Variants in GUCY1B1 observed in about 807,000 individuals in gnomAD.
GUCY1B1 encodes the protein guanylate cyclase 1 soluble subunit beta 1, also known as guanylate cyclase soluble subunit beta-1.
In GUCY1B1, 43 loss-of-function variants were observed where a neutral mutation model predicts 71.0. The observed-to-expected ratio is 0.61, with a 90% CI of 0.47 to 0.78. GUCY1B1 has a LOEUF of 0.78. GUCY1B1 is among the 30% of genes least tolerant of loss of function. GUCY1B1 has a pLI of 0.00. For synonymous variants in GUCY1B1, 266 were observed against 259.7 expected (o/e 1.02, Z -0.23); for missense variants, 535 against 754.1 (o/e 0.71, Z 3.40).
Position 155,796,361 on chromosome 4 carries a change from A to G in GUCY1B1, c.844-16A>G. The G allele has an allele frequency of 6.2e-7, 1 of 1,610,694 alleles. No homozygotes were observed. The highest frequency in any genetic ancestry group is 8.5e-7 in the Non-Finnish European group (1 of 1,177,766). On this transcript the variant is annotated splice_polypyrimidine_tract_variant and intron_variant, in intron 7 of 13. Coordinates refer to ENST00000264424, the MANE Select transcript of GUCY1B1 (RefSeq NM_000857.5). ...GAGAAAGGCATTCATTAATGGTTGT[A>G]TCTTGCCTTTTCAAGGAAGGATTGT... is the stretch of plus-strand genomic sequence containing the variant.
In GUCY1B1 at chr4:155,782,069, A is replaced by G. The variant is rs550792611; in HGVS notation, c.297+4427A>G. 3.3e-5 allele frequency among the ~76,000 whole-genome samples: 5 copies of G among 150,740 alleles called. No individual in the cohort carries two copies. The East Asian group carries it at 7.8e-4, about 23-fold the overall frequency. On this transcript the variant is annotated intron_variant, in intron 4 of 13. Coordinates refer to ENST00000264424, the MANE Select transcript of GUCY1B1 (RefSeq NM_000857.5). ...TCAATGTCTTTTTTTGCGTTTTTTA[A>G]TGTTTTATTATTATTATTATTATTG... is the stretch of plus-strand genomic sequence containing the variant.
chr4:155,805,479 C>T (rs1740253385), intron 13 of GUCY1B1, among the ~76,000 whole-genome samples: 1 of 152,076 alleles, frequency 6.6e-6, no homozygotes, highest in Admixed American at 6.6e-5. Context: ...GAGAAGGCTG[C>T]TTTTTTTCTT....
intron 2 of GUCY1B1, among the ~76,000 whole-genome samples, chr4:155,763,448 T>C (rs1161327682): frequency 2.0e-5 from 3 of 152,182 alleles, no homozygotes; most frequent in Admixed American, 1.3e-4. Context: ...TACACTGTCC[T>C]GACTTAAATA....
intron 2 of GUCY1B1, among the ~76,000 whole-genome samples, chr4:155,763,306 A>G (rs1299309696): frequency 6.6e-6 from 1 of 152,154 alleles, no homozygotes; most frequent in South Asian, 2.1e-4. Context: ...TCGGCCTCCC[A>G]AAGTATTGGA....
At position 155,802,459 on chromosome 4, in the gene GUCY1B1, T is replaced by C; in HGVS notation, c.1293T>C (p.Asn431=). ...TCTTTAGTGGCATTGTGGGCTTCAA[T>C]GCTTTCTGTAGCAAGCATGCATCTG... ...TILFSGIVGF[N]AFCSKHASGE... Residue 431 remains asparagine, a synonymous_variant, in exon 10 of 14, where the codon AAT becomes AAC. Coordinates refer to ENST00000264424, the MANE Select transcript of GUCY1B1 (RefSeq NM_000857.5). The surrounding 1 kb of genome is among the most constrained non-coding windows in gnomAD (Gnocchi z 4.3). 1 of 1,613,888 alleles carries C rather than the reference T, an allele frequency of 6.2e-7. No individual in the cohort carries two copies. The highest frequency in any genetic ancestry group is 2.2e-5 in the East Asian group (1 of 44,870).
chr4:155,762,481 A>G (rs570697832), intron 2 of GUCY1B1, among the ~76,000 whole-genome samples: 2 of 152,308 alleles, frequency 1.3e-5, no homozygotes, highest in South Asian at 4.1e-4. Context: ...AGGATGGGAA[A>G]AGATGCCAAA....
chr4:155,785,326 C>G, intron 4 of GUCY1B1: 1 of 1,409,402 alleles, frequency 7.1e-7, no homozygotes, highest in Non-Finnish European at 9.7e-7. Context: ...ACTTGTGCTG[C>G]AATGTAAGAG....
rs1740337202 is a variant in GUCY1B1 at position 155,806,637 on chromosome 4, T to C, written c.*228T>C. The C allele has an allele frequency of 1.4e-5, 6 of 435,370 alleles. No homozygotes were observed. In the South Asian group the frequency reaches 3.7e-4, roughly 27 times the overall value. The allele number at this position is 435,370 out of a possible 1,614,324, so 27.0% of individuals were successfully genotyped here. On this transcript the variant is annotated 3_prime_UTR_variant, in exon 14 of 14. Coordinates refer to ENST00000264424, the MANE Select transcript of GUCY1B1 (RefSeq NM_000857.5). ...ATATTATCTAAAGTTTGGCTTTTGA[T>C]GTGGATGATGTGAGCTTCATGTGTC...
At position 155,789,732 on chromosome 4, in the gene GUCY1B1, G is replaced by T; in HGVS notation, c.316G>T (p.Asp106Tyr). ...GCTGCAGAACCTTGATGCTCTGCAC[G>T]ACCACCTTGCTACCATCTACCCAGG... is the stretch of plus-strand genomic sequence containing the variant. Reference protein sequence around the residue: ...EFLQNLDALHDHLATIYPGMR... With the variant: ...EFLQNLDALHYHLATIYPGMR... The change falls in exon 5 of 14, where the codon GAC becomes TAC. Residue 106 changes from aspartate to tyrosine, a missense_variant. Physicochemically the swap from Asp to Tyr is radical, Grantham distance 160. Transcript: ENST00000264424. The T allele has an allele frequency of 1.9e-6, 3 of 1,603,366 alleles. No individual in the cohort carries two copies. The highest frequency in any genetic ancestry group is 2.2e-5 in the South Asian group (2 of 89,808).
Position 155,786,530 on chromosome 4 carries a change from C to T in GUCY1B1, c.298-3184C>T, listed in dbSNP as rs1188759137. Among the ~76,000 whole-genome samples the T allele has an allele frequency of 1.5e-4, 18 of 117,548 alleles. No individual in the cohort carries two copies. In the East Asian group the frequency reaches 2.9e-3, roughly 19 times the overall value. The allele number at this position is 117,548 out of a possible 152,430, so 77.1% of individuals were successfully genotyped here. On this transcript the variant is annotated intron_variant, in intron 4 of 13. Coordinates refer to ENST00000264424, the MANE Select transcript of GUCY1B1 (RefSeq NM_000857.5). ...TGTCGCCCAGGCTGGAGTGCAGTGG[C>T]GAGATTTCGGCTCACTGCAAGCTCC...
intron 4 of GUCY1B1, among the ~76,000 whole-genome samples, chr4:155,788,423 G>T (rs570088220): frequency 6.6e-6 from 1 of 152,236 alleles, no homozygotes; most frequent in South Asian, 2.1e-4. Context: ...TTTTGTCATT[G>T]CACATCTCTC....
chr4:155,805,161 G>A lies in GUCY1B1; in HGVS notation c.1768G>A (p.Val590Met). The stretch of plus-strand genomic sequence containing the variant: ...ATTCCACTTGGAGCACAGAGGCCCA[G>A]TGTCCATGAAGGGCAAAAAAGAACC... ...PQFHLEHRGP[V>M]SMKGKKEPMQ... The change falls in exon 13 of 14, where the codon GTG becomes ATG. Residue 590 changes from valine to methionine, a missense_variant. Transcript: ENST00000264424. 6.2e-7 allele frequency: 1 copy of A among 1,611,760 alleles called. No homozygotes were observed. Among genetic ancestry groups the A allele is most frequent in the South Asian group, 1.1e-5 (1 of 90,976 alleles).
chr4:155,777,260 G>A (rs1738115177), intron 3 of GUCY1B1, among the ~76,000 whole-genome samples: 1 of 152,152 alleles, frequency 6.6e-6, no homozygotes, highest in African/African-American at 2.4e-5. Flanking sequence ...GATTAGGTAT[G>A]CTCCACTTAT....
intron 11 of GUCY1B1, 39 bp from the exon 12 acceptor site, chr4:155,804,554 G>A (rs760866975): frequency 2.1e-5 from 33 of 1,536,714 alleles, no homozygotes; most frequent in East Asian, 4.5e-5. Flanking sequence ...TCATGTGTTA[G>A]TGATCAAAAT....
At chr4:155,779,323 C>T (rs1738263995) in intron 4 of GUCY1B1, among the ~76,000 whole-genome samples, 2 of 152,166 alleles carry the variant, frequency 1.3e-5, no homozygotes, top group South Asian at 4.1e-4. Flanking sequence ...TACATACATA[C>T]ACACAACAAA....
intron 2 of GUCY1B1, among the ~76,000 whole-genome samples, chr4:155,772,351 G>A (rs1425437128): frequency 2.0e-5 from 3 of 152,136 alleles, no homozygotes; most frequent in Admixed American, 2.0e-4. Flanking sequence ...TCTCTTTACT[G>A]TTGTGAAAGG....
chr4:155,773,699 C>A (rs760575565), intron 2 of GUCY1B1, among the ~76,000 whole-genome samples: 5 of 152,178 alleles, frequency 3.3e-5, no homozygotes, highest in African/African-American at 7.2e-5. Context: ...TCTTTTCACA[C>A]CCTGTGTCCA....
Position 155,788,243 on chromosome 4 carries a change from A to G in GUCY1B1, c.298-1471A>G, listed in dbSNP as rs530387434. ...TGTTTTCTTCCTCATTCAAGTATTG[A>G]CAGAATTCAGTTCCATGCAGTTATA... On this transcript the variant is annotated intron_variant, in intron 4 of 13. Transcript: ENST00000264424. Among the ~76,000 whole-genome samples the G allele has an allele frequency of 4.6e-5, 7 of 152,314 alleles. No homozygotes were observed. The South Asian group carries it at 1.5e-3, about 32-fold the overall frequency.
chr4:155,778,205 T>G (rs1738187815), intron 4 of GUCY1B1, among the ~76,000 whole-genome samples: 1 of 152,164 alleles, frequency 6.6e-6, no homozygotes, highest in Non-Finnish European at 1.5e-5. Context: ...CAGTCCAAAG[T>G]CAGTTTCAGG....
Sources: gnomAD v4.1 joint callset for allele counts (sites outside exome capture counted in the v4.1 genomes callset) on GRCh38, gnomAD v4.1.1 for gene constraint, Gnocchi (gnomAD v3.1) non-coding constraint, MANE v1.5 for transcripts, NCBI Gene and HGNC (gene_info 2026-07-23, HGNC 2026-07-21) for gene names.